The following COL25A1 variants were observed in gnomAD, a reference collection of about 807,000 sequenced individuals.
COL25A1 encodes collagen alpha-1(XXV) chain.
Under a neutral mutation model 128.4 loss-of-function variants are expected in COL25A1, and 103 were observed. The ratio of observed to expected loss-of-function variants is 0.80; its 90% CI spans 0.68 to 0.94. The LOEUF (loss-of-function observed/expected upper bound fraction) is 0.94. Among genes scored for constraint, COL25A1 ranks in the 40% least tolerant of loss-of-function variants. The pLI is 0.00. For missense variants in COL25A1, 745 were observed against 840.0 expected, an observed-to-expected ratio of 0.89 and a Z score of 1.40; for synonymous variants, 279 against 277.2, an observed-to-expected ratio of 1.01 and a Z score of -0.06.
intron 3 of COL25A1, among the ~76,000 whole-genome samples, chr4:109,083,675 G>C (rs537369641): frequency 2.5e-4 from 38 of 151,660 alleles, no homozygotes; most frequent in Non-Finnish European, 4.9e-4. Flanking sequence ...TGTTAGCCAG[G>C]CTGGTCTCGA....
chr4:109,269,038 C>T (rs1423981523), intron 3 of COL25A1, among the ~76,000 whole-genome samples: 4 of 150,144 alleles, frequency 2.7e-5, no homozygotes, highest in Admixed American at 6.6e-5. Flanking sequence ...CCCACTAACT[C>T]GTCATCTAGC....
chr4:108,986,804 T>C (rs2126006426), intron 6 of COL25A1, among the ~76,000 whole-genome samples: 1 of 152,322 alleles, frequency 6.6e-6, no homozygotes, highest in South Asian at 2.1e-4. Context: ...GGTAATTTTA[T>C]TAGGGTTGAT....
In COL25A1 at chr4:109,193,676, C is replaced by T. The variant is rs560438947; in HGVS notation, c.367+106907G>A. 2.3e-3 allele frequency among the ~76,000 whole-genome samples: 343 copies of T among 152,256 alleles called. 1 individual carries two copies. Among genetic ancestry groups the T allele is most frequent in the African/African-American group, 7.6e-3 (315 of 41,538 alleles). On this transcript the variant is annotated intron_variant, in intron 3 of 37. Coordinates refer to ENST00000399132, the MANE Select transcript of COL25A1 (RefSeq NM_198721.4). ...CTGCTGCACCAACTTCGGTCAGAGA[C>T]CCCTAATATTTCATTGCCTTTGTGG...
At chr4:109,042,653 ATTCT>A (rs1450193272) in intron 5 of COL25A1, among the ~76,000 whole-genome samples, 1 of 152,106 alleles carries the variant, frequency 6.6e-6, no homozygotes, top group Non-Finnish European at 1.5e-5. Flanking sequence ...TTAAAAGCAC[ATTCT>A]TTGAGTCCAA....
At chr4:109,190,323 C>G (rs557725868) in intron 3 of COL25A1, among the ~76,000 whole-genome samples, 1 of 151,866 alleles carries the variant, frequency 6.6e-6, no homozygotes, top group South Asian at 2.1e-4. Context: ...TTTAAGAGAC[C>G]AATGCCCAGA....
In COL25A1 at chr4:108,809,163, T is replaced by C. The variant is rs1424211953; in HGVS notation, c.*4764A>G. The C allele has an allele frequency of 6.8e-6, 1 of 147,166 alleles. No homozygotes were observed. The highest frequency in any genetic ancestry group is 1.5e-5 in the Non-Finnish European group (1 of 66,378). 9.1% of individuals were successfully genotyped at this position (147,166 alleles called of 1,614,324 possible). Reference sequence around the variant, plus strand: ...TGGCCCACAAACATTTAAAAAAATATGCAGTGTAATGCTTGCCAAAATATT... The same window carrying C: ...TGGCCCACAAACATTTAAAAAAATACGCAGTGTAATGCTTGCCAAAATATT... On this transcript the variant is annotated 3_prime_UTR_variant, in exon 38 of 38. Coordinates refer to ENST00000399132, the MANE Select transcript of COL25A1 (RefSeq NM_198721.4).
chr4:109,090,922 G>A (rs1764837542), intron 3 of COL25A1, among the ~76,000 whole-genome samples: 1 of 152,112 alleles, frequency 6.6e-6, no homozygotes, highest in African/African-American at 2.4e-5. Flanking sequence ...ATTTTCAAAT[G>A]AAATGTTCTA....
chr4:109,160,901 C>T (rs914006570), intron 3 of COL25A1, among the ~76,000 whole-genome samples: 1 of 152,154 alleles, frequency 6.6e-6, no homozygotes, highest in African/African-American at 2.4e-5. Context: ...TTTATTATAA[C>T]AATACAGCAT....
At chr4:109,291,254 C>T (rs1724446916) in intron 3 of COL25A1, among the ~76,000 whole-genome samples, 3 of 152,106 alleles carry the variant, frequency 2.0e-5, no homozygotes, top group Admixed American at 1.3e-4. Flanking sequence ...GTACTTATTA[C>T]AGTACGATTG....
At position 109,118,906 on chromosome 4, in the gene COL25A1, C is replaced by G. The variant is rs183549911; in HGVS notation, c.368-68727G>C. Among the ~76,000 whole-genome samples, 36 of 152,066 alleles carry G rather than the reference C, an allele frequency of 2.4e-4. No individual in the cohort carries two copies. In the East Asian group the frequency reaches 6.4e-3, roughly 27 times the overall value. ...TATGGACTACTTCATCAACCAACAG[C>G]AGACTACACATTCTTCTCAATTTCA... On this transcript the variant is annotated intron_variant, in intron 3 of 37. Coordinates refer to ENST00000399132, the MANE Select transcript of COL25A1 (RefSeq NM_198721.4).
At chr4:109,290,210 C>T (rs1413347825) in intron 3 of COL25A1, among the ~76,000 whole-genome samples, 2 of 151,966 alleles carry the variant, frequency 1.3e-5, no homozygotes, top group African/African-American at 4.8e-5. Context: ...AGAAAGTATA[C>T]CTCAGACTTC....
intron 3 of COL25A1, among the ~76,000 whole-genome samples, chr4:109,134,641 A>G (rs1769536052): frequency 6.6e-6 from 1 of 152,192 alleles, no homozygotes; most frequent in Admixed American, 6.5e-5. Flanking sequence ...TGGTTATTAG[A>G]TAATCACATA....
In COL25A1 at chr4:109,171,663, T is replaced by C. The variant is rs551817249; in HGVS notation, c.368-121484A>G. ...TTTCTCAGAGCTTTTCCAAGGTAAG[T>C]GCTGTATTTTATTCATCTTTGAATA... On this transcript the variant is annotated intron_variant, in intron 3 of 37. Coordinates refer to ENST00000399132, the MANE Select transcript of COL25A1 (RefSeq NM_198721.4). 1.1e-4 allele frequency among the ~76,000 whole-genome samples: 17 copies of C among 152,338 alleles called. No homozygotes were observed. The South Asian group carries it at 1.4e-3, about 13-fold the overall frequency.
intron 3 of COL25A1, among the ~76,000 whole-genome samples, chr4:109,102,134 C>A (rs191562383): frequency 1.2e-3 from 178 of 152,182 alleles, no homozygotes; most frequent in African/African-American, 3.9e-3. Context: ...CCACTAACTT[C>A]ACAAAAACTC....
At chr4:108,947,808 T>C (rs938218331) in intron 8 of COL25A1, among the ~76,000 whole-genome samples, 2 of 152,174 alleles carry the variant, frequency 1.3e-5, no homozygotes, top group African/African-American at 4.8e-5. Flanking sequence ...GGCTGATCAT[T>C]GATCAGCACA....
At chr4:108,996,186 G>C (rs1579023718) in intron 6 of COL25A1, among the ~76,000 whole-genome samples, 1 of 149,340 alleles carries the variant, frequency 6.7e-6, no homozygotes, top group South Asian at 2.1e-4. Flanking sequence ...ATTGGATAAA[G>C]AGTCAGGACC....
intron 35 of COL25A1, among the ~76,000 whole-genome samples, chr4:108,822,415 T>A (rs1453379353): frequency 6.6e-6 from 1 of 152,050 alleles, no homozygotes; most frequent in African/African-American, 2.4e-5. Flanking sequence ...TGCATATATA[T>A]ATGTTTTTGA....
At chr4:109,163,803 C>A in intron 3 of COL25A1, among the ~76,000 whole-genome samples, 1 of 152,170 alleles carries the variant, frequency 6.6e-6, no homozygotes, top group Non-Finnish European at 1.5e-5. Context: ...TGGTTCTGAT[C>A]TGTTGCAATG....
chr4:108,844,551 G>A lies in COL25A1; in HGVS notation c.1597C>T (p.Pro533Ser). 1 of 1,613,490 alleles carries A rather than the reference G, an allele frequency of 6.2e-7. No individual in the cohort carries two copies. Residue 533 changes from proline to serine, a missense_variant, in exon 30 of 38, where the codon CCA becomes TCA. Physicochemically the swap from Pro to Ser is moderately conservative, Grantham distance 74. Around this residue, in one of 3 missense-constraint regions of COL25A1, gnomAD observed 387 missense variants for 441.9 expected, o/e 0.88. Transcript: ENST00000399132. ...QGPSIIGPPG[P>S]PGPHGPPGPM... is the part of the protein sequence containing the mutation. ...CCAGGTGGGCCATGGGGACCTGGTG[G>A]GCCTGGTGGGCCTATGATCTGTATG...
Sources: gnomAD v4.1 joint callset for allele counts (sites outside exome capture counted in the v4.1 genomes callset) on GRCh38, gnomAD v4.1.1 for gene constraint, gnomAD v4.1.1 regional missense constraint, MANE v1.5 for transcripts, NCBI Gene and HGNC (gene_info 2026-07-23, HGNC 2026-07-21) for gene names.